The following ZFPM2 variants were observed in gnomAD, a reference collection of about 807,000 sequenced individuals.
ZFPM2 encodes the protein zinc finger protein, FOG family member 2.
ZFPM2 carries 20 observed loss-of-function variants against 98.6 expected under a neutral mutation model. That is an observed-to-expected ratio of 0.20 (90% CI 0.14 to 0.29). The LOEUF (loss-of-function observed/expected upper bound fraction) is 0.29. ZFPM2 is among the 10% of genes least tolerant of loss of function. The probability of loss-of-function intolerance (pLI) is 1.00; values close to 1 mark genes in which losing one functional copy is unlikely to be tolerated. For missense variants in ZFPM2, 1,310 were observed against 1,388.6 expected, an observed-to-expected ratio of 0.94 and a Z score of 0.90; for synonymous variants, 518 against 502.7, an observed-to-expected ratio of 1.03 and a Z score of -0.41.
intron 1 of ZFPM2, among the ~76,000 whole-genome samples, chr8:105,396,916 A>T (rs1811231058): frequency 1.3e-5 from 2 of 152,334 alleles, no homozygotes; most frequent in South Asian, 4.1e-4. Context: ...ACTTTTATAT[A>T]TTGCCAGTAA....
At chr8:105,650,646 T>C (rs552984132) in intron 5 of ZFPM2, among the ~76,000 whole-genome samples, 1 of 152,224 alleles carries the variant, frequency 6.6e-6, no homozygotes, top group Non-Finnish European at 1.5e-5. Flanking sequence ...CCAGTAGTCA[T>C]TCAGGAGCAG....
At chr8:105,442,844 T>C (rs1194876806) in intron 2 of ZFPM2, among the ~76,000 whole-genome samples, 1 of 152,092 alleles carries the variant, frequency 6.6e-6, no homozygotes, top group African/African-American at 2.4e-5. Context: ...GTAATCATGA[T>C]TTCCTGAAAA....
At chr8:105,570,978 A>T (rs924449185) in intron 4 of ZFPM2, among the ~76,000 whole-genome samples, 20 of 152,162 alleles carry the variant, frequency 1.3e-4, no homozygotes, top group African/African-American at 4.8e-4. Flanking sequence ...TGATCTTTTC[A>T]GTTATTAGGA....
rs1439864085 is a variant in ZFPM2 at position 105,788,845 on chromosome 8, T to C, written c.660T>C (p.Pro220=). The C allele has an allele frequency of 8.1e-6, 13 of 1,613,830 alleles. No individual in the cohort carries two copies. Among genetic ancestry groups the C allele is most frequent in the Non-Finnish European group, 1.1e-5 (13 of 1,179,872 alleles). Reference sequence around the variant, plus strand: ...TGACTCTCACAGAAGGGATGTACCCTGCACGCCTGCTGGACTCAATTCAGC... The same window carrying C: ...TGACTCTCACAGAAGGGATGTACCCCGCACGCCTGCTGGACTCAATTCAGC... ...SQMTLTEGMY[P]ARLLDSIQLL... The change falls in exon 6 of 8, where the codon CCT becomes CCC. Residue 220 remains proline, a synonymous_variant. Transcript: ENST00000407775.
chr8:105,395,327 C>T (rs1020169096), intron 1 of ZFPM2, among the ~76,000 whole-genome samples: 1 of 151,996 alleles, frequency 6.6e-6, no homozygotes, highest in African/African-American at 2.4e-5. Flanking sequence ...TTAGTATTAC[C>T]ATGTGTCGTC....
At chr8:105,534,038 CCCTCCCTT>C (rs1342068197) in intron 3 of ZFPM2, among the ~76,000 whole-genome samples, 2 of 33,470 alleles carry the variant, frequency 6.0e-5, no homozygotes, top group Non-Finnish European at 1.1e-4. Context: ...CTCCCTCCCT[CCCTCCCTT>C]CCTCCCTTCC....
chr8:105,554,389 C>T (rs1814936740), intron 3 of ZFPM2, among the ~76,000 whole-genome samples: 1 of 152,138 alleles, frequency 6.6e-6, no homozygotes, highest in Non-Finnish European at 1.5e-5. Flanking sequence ...AGCAAGAGCT[C>T]TGCCATACTT....
intron 3 of ZFPM2, among the ~76,000 whole-genome samples, chr8:105,515,637 T>C (rs1813903009): frequency 6.6e-6 from 1 of 152,186 alleles, no homozygotes; most frequent in Non-Finnish European, 1.5e-5. Context: ...GTAATAATTA[T>C]GGTTTACAGA....
At chr8:105,573,885 T>C (rs1815408063) in intron 4 of ZFPM2, among the ~76,000 whole-genome samples, 2 of 152,192 alleles carry the variant, frequency 1.3e-5, no homozygotes, top group Admixed American at 1.3e-4. Context: ...ATGTGCTATC[T>C]TGGGTAATCA....
At chr8:105,406,588 G>C (rs1224640807) in intron 1 of ZFPM2, among the ~76,000 whole-genome samples, 1 of 151,972 alleles carries the variant, frequency 6.6e-6, no homozygotes, top group Non-Finnish European at 1.5e-5. Flanking sequence ...TCATAACTCA[G>C]ATCTGCTTCA....
intron 5 of ZFPM2, among the ~76,000 whole-genome samples, chr8:105,765,420 G>C (rs868446781): frequency 6.6e-6 from 1 of 151,686 alleles, no homozygotes; most frequent in South Asian, 2.1e-4. Context: ...TTTACATTTT[G>C]ATTCACCGTA....
chr8:105,740,913 C>T (rs933928848), intron 5 of ZFPM2, among the ~76,000 whole-genome samples: 3 of 151,932 alleles, frequency 2.0e-5, no homozygotes, highest in Non-Finnish European at 4.4e-5. Flanking sequence ...GAGGGAAGAC[C>T]TTACTTGAGA....
At chr8:105,777,104 C>T (rs948450029) in intron 5 of ZFPM2, among the ~76,000 whole-genome samples, 5 of 152,106 alleles carry the variant, frequency 3.3e-5, no homozygotes, top group Non-Finnish European at 7.4e-5. Flanking sequence ...TTGACATAAG[C>T]TTATGGAAAA....
intron 4 of ZFPM2, among the ~76,000 whole-genome samples, chr8:105,609,987 A>G (rs1475131197): frequency 6.6e-6 from 1 of 152,174 alleles, no homozygotes; most frequent in South Asian, 2.1e-4. Flanking sequence ...AGATGGAACT[A>G]CCACCCATCG....
intron 5 of ZFPM2, among the ~76,000 whole-genome samples, chr8:105,719,637 G>A (rs1811609289): frequency 6.6e-6 from 1 of 151,866 alleles, no homozygotes. Context: ...AATAGTTTTA[G>A]ATAATACATA....
intron 3 of ZFPM2, among the ~76,000 whole-genome samples, chr8:105,481,657 G>C (rs1161599830): frequency 6.6e-6 from 1 of 152,128 alleles, no homozygotes. Flanking sequence ...GTTCAGTTGA[G>C]CAACCACCAA....
chr8:105,481,435 C>G (rs1813115641), intron 3 of ZFPM2, among the ~76,000 whole-genome samples: 1 of 152,028 alleles, frequency 6.6e-6, no homozygotes, highest in Non-Finnish European at 1.5e-5. Flanking sequence ...GCACACGTGG[C>G]CTTTTCTGTT....
chr8:105,460,759 C>T (rs938802884), intron 3 of ZFPM2, among the ~76,000 whole-genome samples: 3 of 149,644 alleles, frequency 2.0e-5, no homozygotes, highest in Admixed American at 6.7e-5. Context: ...TATGGTTATA[C>T]ATACAAAATG....
intron 1 of ZFPM2, among the ~76,000 whole-genome samples, chr8:105,411,927 C>T (rs1212884227): frequency 6.6e-6 from 1 of 151,796 alleles, no homozygotes; most frequent in Non-Finnish European, 1.5e-5. Flanking sequence ...GTTTAATCTA[C>T]TGTGTAAGAT....
Sources: gnomAD v4.1 joint callset for allele counts (sites outside exome capture counted in the v4.1 genomes callset) on GRCh38, gnomAD v4.1.1 for gene constraint, MANE v1.5 for transcripts, NCBI Gene and HGNC (gene_info 2026-07-23, HGNC 2026-07-21) for gene names.